TICRR: variants seen among roughly 807,000 people sequenced by gnomAD.
TICRR encodes the protein TOPBP1 interacting checkpoint and replication regulator.
A neutral mutation model predicts 178.1 loss-of-function variants in TICRR; 132 were observed. The observed-to-expected ratio is 0.74, with a 90% CI of 0.64 to 0.86. TICRR has a LOEUF of 0.86. Among genes scored for constraint, TICRR ranks in the 40% least tolerant of loss-of-function variants. The pLI, the probability that TICRR is intolerant of heterozygous loss-of-function variation, is 0.00. For synonymous variants in TICRR, 991 were observed against 900.7 expected (o/e 1.10, Z -1.79); for missense variants, 2,587 against 2,334.3 (o/e 1.11, Z -2.23).
At chr15:89,626,116 C>T in intron 21 of TICRR, 55 bp downstream of exon 21, 1 of 1,588,824 alleles carries the variant, frequency 6.3e-7, no homozygotes, top group Non-Finnish European at 8.5e-7. Context: ...TCTGAATTCA[C>T]CAGGGTTGCC....
chr15:89,625,770 AGAG>A lies in TICRR; in HGVS notation c.5462_5464del (p.Glu1821del). 1 of 1,604,600 alleles carries A rather than the reference AGAG, an allele frequency of 6.2e-7. No homozygotes were observed. The highest frequency in any genetic ancestry group is 2.2e-5 in the East Asian group (1 of 44,702). ...GGCAGCTACCCTCCACGGGAGACGA[AGAG>A]GTGTTTGTTTCCGGTGAGTTCGTTT... On this transcript the variant is annotated inframe_deletion, in exon 20 of 22. Transcript: ENST00000268138.
chr15:89,618,246 A>G (rs1963367376), intron 17 of TICRR, 36 bp downstream of exon 17: 1 of 1,591,504 alleles, frequency 6.3e-7, no homozygotes, highest in Non-Finnish European at 8.6e-7. Context: ...AATGCAATCT[A>G]CCCAGCTTCT....
chr15:89,623,934 A>G lies in TICRR; in HGVS notation c.3624A>G (p.Pro1208=), dbSNP rs929153816. The part of the protein sequence containing the change: ...RQGTQPPGFL[P]NCTWPHSVNS... ...GTACTCAGCCGCCTGGGTTTTTGCCAAACTGTACTTGGCCACATTCAGTGA... is the reference window on the plus strand; with the variant it reads ...GTACTCAGCCGCCTGGGTTTTTGCCGAACTGTACTTGGCCACATTCAGTGA... The change falls in exon 20 of 22, where the codon CCA becomes CCG. Residue 1208 remains proline (P), a synonymous_variant. Transcript: ENST00000268138. 1 of 1,614,064 alleles carries G rather than the reference A, an allele frequency of 6.2e-7. No homozygotes were observed. Among genetic ancestry groups the G allele is most frequent in the Non-Finnish European group, 8.5e-7 (1 of 1,180,030 alleles).
intron 13 of TICRR, among the ~76,000 whole-genome samples, chr15:89,604,608 C>G (rs953341378): frequency 1.6e-4 from 25 of 151,898 alleles, no homozygotes; most frequent in Non-Finnish European, 3.1e-4. Flanking sequence ...GACCTTGGCT[C>G]TACAAAAAAT....
chr15:89,578,946 G>T (rs919093057), intron 1 of TICRR, among the ~76,000 whole-genome samples: 12 of 152,176 alleles, frequency 7.9e-5, no homozygotes, highest in African/African-American at 2.7e-4. Flanking sequence ...GCAGGGAGAA[G>T]GGAGGAAGAG....
chr15:89,584,384 T>C lies in TICRR; in HGVS notation c.1033T>C (p.Ser345Pro). 1 of 1,614,196 alleles carries C rather than the reference T, an allele frequency of 6.2e-7. No individual in the cohort carries two copies. ...QKPVRIFLKG[S>P]VAQWSLPTSS... ...ACCAGTCAGAATTTTTCTAAAAGGCTCAGTGGCCCAGTGGTCTCTCCCAAC... is the reference window on the plus strand; with the variant it reads ...ACCAGTCAGAATTTTTCTAAAAGGCCCAGTGGCCCAGTGGTCTCTCCCAAC... The change falls in exon 3 of 22, where the codon TCA (serine) becomes CCA (proline). Residue 345 changes from serine (S) to proline (P), a missense_variant. Coordinates refer to ENST00000268138, the MANE Select transcript of TICRR (RefSeq NM_152259.4).
chr15:89,582,323 CA>C (rs35892715), intron 1 of TICRR: 2,316 of 113,050 alleles, frequency 0.02, 24 homozygotes, highest in African/African-American at 0.053. Context: ...GACTCTGACT[CA>C]AAAAAAAAAA....
At position 89,626,195 on chromosome 15, in the gene TICRR, G is replaced by A. The variant is rs28397224; in HGVS notation, c.5602+134G>A. On this transcript the variant is annotated intron_variant, in intron 21 of 21. Transcript: ENST00000268138. ...GGATAGGTGACTTCGCGCCTACAGC[G>A]TCATGTGTGCCCTTCCCAGAGAAAC... The A allele has an allele frequency of 4.0e-4, 364 of 918,808 alleles. 2 individuals are homozygous for A. The highest frequency in any genetic ancestry group is 3.8e-3 in the African/African-American group (222 of 58,838). 56.9% of individuals were successfully genotyped at this position (918,808 alleles called of 1,614,324 possible).
At chr15:89,621,278 C>A in intron 18 of TICRR, 115 bp from the exon 19 acceptor site, 1 of 1,093,318 alleles carries the variant, frequency 9.1e-7, no homozygotes. Flanking sequence ...GTCTCGGCCT[C>A]CCAAAGTGCT....
At chr15:89,576,920 T>C (rs961626361) in intron 1 of TICRR, among the ~76,000 whole-genome samples, 6 of 150,170 alleles carry the variant, frequency 4.0e-5, no homozygotes, top group South Asian at 2.1e-4. Context: ...TATTTATTAT[T>C]ATTTTTTGAG....
chr15:89,607,211 C>A (rs900925870), intron 14 of TICRR, among the ~76,000 whole-genome samples: 1 of 152,000 alleles, frequency 6.6e-6, no homozygotes, highest in African/African-American at 2.4e-5. Context: ...ACTGAGACAA[C>A]TAGAGAAATT....
chr15:89,593,252 T>C (rs1032943340), intron 5 of TICRR, among the ~76,000 whole-genome samples: 4 of 152,260 alleles, frequency 2.6e-5, no homozygotes, highest in African/African-American at 7.2e-5. Context: ...TCCATGAACA[T>C]GGTGCAGCTA....
chr15:89,584,523 A>G lies in TICRR; in HGVS notation c.1172A>G (p.His391Arg). The G allele has an allele frequency of 6.4e-7, 1 of 1,561,506 alleles. No homozygotes were observed. Among genetic ancestry groups the G allele is most frequent in the Non-Finnish European group, 8.7e-7 (1 of 1,153,010 alleles). Residue 391 changes from histidine (H) to arginine (R), a missense_variant, in exon 3 of 22, where the codon CAC becomes CGC. His to Arg is a conservative substitution (Grantham distance 29). Transcript: ENST00000268138. ...AGCAGGCTGACTGCTGAAGAGTTACACCTGGTAGGTATCCTCCACACGGGA... is the reference window on the plus strand; with the variant it reads ...AGCAGGCTGACTGCTGAAGAGTTACGCCTGGTAGGTATCCTCCACACGGGA... ...LVSRLTAEELHLVADVDPGEG... is the reference protein window; with the variant it reads ...LVSRLTAEELRLVADVDPGEG...
At chr15:89,619,956 T>C (rs983862040) in intron 18 of TICRR, 114 bp downstream of exon 18, 1 of 1,287,650 alleles carries the variant, frequency 7.8e-7, no homozygotes, top group South Asian at 1.5e-5. Flanking sequence ...AGAAGTAGAA[T>C]AGGTATGTCT....
intron 16 of TICRR, 134 bp from the exon 17 acceptor site, chr15:89,618,018 G>A: frequency 2.3e-6 from 2 of 885,148 alleles, no homozygotes. Context: ...TCACGTATGA[G>A]AGCCCTTTAC....
At chr15:89,616,550 C>A in intron 16 of TICRR, 55 bp downstream of exon 16, 2 of 1,416,034 alleles carry the variant, frequency 1.4e-6, no homozygotes, top group South Asian at 1.2e-5. Flanking sequence ...CTCAAAGCGG[C>A]CTTGTGGGCC....
At chr15:89,599,603 TAA>T in intron 8 of TICRR, 128 bp downstream of exon 8, 1 of 885,334 alleles carries the variant, frequency 1.1e-6, no homozygotes, top group Non-Finnish European at 1.7e-6. Flanking sequence ...GTAAGATAAG[TAA>T]GGGAGTAAGT....
In TICRR at chr15:89,576,044, C is replaced by T. The variant is rs1177479722; in HGVS notation, c.458C>T (p.Ala153Val). Residue 153 changes from alanine (A) to valine (V), a missense_variant, in exon 1 of 22, where the codon GCC becomes GTC. Transcript: ENST00000268138. ...GCCGCGCTCGGGGGCTTGGTGAACG[C>T]CGTCTTCCTCCTGGCCCCCTGTCCG... ...AEAALGGLVN[A>V]VFLLAPCPHS... The T allele has an allele frequency of 1.2e-6, 2 of 1,610,506 alleles. No individual in the cohort carries two copies. Among genetic ancestry groups the T allele is most frequent in the African/African-American group, 1.3e-5 (1 of 75,022 alleles).
At chr15:89,597,968 G>C (rs534298311) in intron 7 of TICRR, among the ~76,000 whole-genome samples, 1 of 152,104 alleles carries the variant, frequency 6.6e-6, no homozygotes, top group Non-Finnish European at 1.5e-5. Context: ...TAATACCTGG[G>C]TATTTCATAT....
Sources: allele counts gnomAD v4.1 joint callset (sites outside exome capture counted in the v4.1 genomes callset), GRCh38; gene constraint gnomAD v4.1.1; transcripts MANE v1.5; gene names NCBI Gene and HGNC (gene_info 2026-07-23, HGNC 2026-07-21).